Variants in TTC21B observed in about 807,000 individuals in gnomAD.
TTC21B encodes tetratricopeptide repeat domain 21B.
In TTC21B, 127 loss-of-function variants were observed where a neutral mutation model predicts 175.1. The observed-to-expected ratio is 0.73, with a 90% CI of 0.63 to 0.84. The LOEUF (loss-of-function observed/expected upper bound fraction) is 0.84, where lower values mean the gene tolerates loss of function less well. TTC21B is among the 40% of genes least tolerant of loss of function. The pLI, the probability that TTC21B is intolerant of heterozygous loss-of-function variation, is 0.00. For missense variants in TTC21B, 1,561 were observed against 1,558.3 expected (o/e 1.00, Z -0.03); for synonymous variants, 524 against 524.5 (o/e 1.00, Z 0.01).
intron 27 of TTC21B, among the ~76,000 whole-genome samples, chr2:165,877,903 G>T (rs1253940074): frequency 6.6e-6 from 1 of 152,122 alleles, no homozygotes; most frequent in African/African-American, 2.4e-5. Context: ...AAAAGGGTTT[G>T]TGACATTCAA....
chr2:165,927,224 ATATATATATATATCCTAGTAGT>A (rs1172806225), intron 11 of TTC21B, among the ~76,000 whole-genome samples: 5,046 of 22,464 alleles, frequency 0.22, 1,015 homozygotes, highest in South Asian at 0.38. Context: ...TAGTAGTTAT[ATATATATATATATCCTAGTAGT>A]TATATATATA....
intron 3 of TTC21B, among the ~76,000 whole-genome samples, chr2:165,946,937 A>G (rs1687589967): frequency 6.6e-6 from 1 of 151,910 alleles, no homozygotes; most frequent in Non-Finnish European, 1.5e-5. Flanking sequence ...ACTTATAAAA[A>G]TGTATAATGG....
intron 26 of TTC21B, among the ~76,000 whole-genome samples, chr2:165,881,245 T>C (rs531383191): frequency 1.6e-3 from 249 of 152,324 alleles, no homozygotes; most frequent in African/African-American, 5.5e-3. Context: ...TAAGTCTAAA[T>C]GTGTTAGTGT....
rs140744559 is a variant in TTC21B, at chr2:165,926,648, T to C, written c.1387-1970A>G. Among the ~76,000 whole-genome samples the C allele has an allele frequency of 7.9e-5, 12 of 152,220 alleles. No homozygotes were observed. In the East Asian group the frequency reaches 2.1e-3, roughly 27 times the overall value. On this transcript the variant is annotated intron_variant, in intron 11 of 28. Transcript: ENST00000243344. Reference sequence around the variant, plus strand: ...GATCCTGGGTGTGTCTGTGAGGATGTTGCCAAAGGAGATTAACGTTTGAGT... The same window carrying C: ...GATCCTGGGTGTGTCTGTGAGGATGCTGCCAAAGGAGATTAACGTTTGAGT...
At chr2:165,912,679 A>G in intron 16 of TTC21B, 55 bp from the exon 17 acceptor site, 1 of 1,255,526 alleles carries the variant, frequency 8.0e-7, no homozygotes, top group South Asian at 1.2e-5. Flanking sequence ...ACTGGGTCCC[A>G]TTAAAGGGCA....
Position 165,876,176 on chromosome 2 carries a change from T to C in TTC21B, c.3862A>G (p.Ile1288Val), listed in dbSNP as rs760235307. 8 of 1,599,714 alleles carry C rather than the reference T, an allele frequency of 5.0e-6. No homozygotes were observed. The Admixed American group carries it at 8.3e-5, about 17-fold the overall frequency. Residue 1288 changes from isoleucine (I) to valine (V), a missense_variant, in exon 28 of 29, where the codon ATA becomes GTA. Ile to Val is a conservative substitution (Grantham distance 29, BLOSUM62 3). Transcript: ENST00000243344. ...ATTTAAGTGTTTACCTGGTGACATA[T>C]GTCAATTGAATCCACATATCTTTTT... ...KAKRYVDSID[I>V]CHQVLEAHPT... is the part of the protein sequence containing the mutation.
intron 28 of TTC21B, 75 bp downstream of exon 28, chr2:165,876,090 A>G (rs967882761): frequency 1.2e-6 from 1 of 857,978 alleles, no homozygotes; most frequent in Non-Finnish European, 2.0e-6. Context: ...TTCTATTCAC[A>G]TACATCTGGA....
intron 1 of TTC21B, 114 bp from the exon 2 acceptor site, chr2:165,949,838 T>G: frequency 9.4e-7 from 1 of 1,062,562 alleles, no homozygotes; most frequent in Non-Finnish European, 1.4e-6. Context: ...CAATGTGACT[T>G]TTTTCTTCCA....
chr2:165,925,359 A>T (rs1344838495), intron 11 of TTC21B, among the ~76,000 whole-genome samples: 1 of 152,190 alleles, frequency 6.6e-6, no homozygotes, highest in African/African-American at 2.4e-5. Flanking sequence ...CTACCCAACC[A>T]ACTTTTATCC....
chr2:165,911,737 A>G (rs1685954587), intron 17 of TTC21B, among the ~76,000 whole-genome samples: 1 of 151,408 alleles, frequency 6.6e-6, no homozygotes, highest in African/African-American at 2.4e-5. Context: ...ATCTCAGCTC[A>G]CTGCAACCTC....
chr2:165,881,186 A>C (rs191008870), intron 26 of TTC21B, among the ~76,000 whole-genome samples: 27 of 152,280 alleles, frequency 1.8e-4, no homozygotes, highest in African/African-American at 6.3e-4. Flanking sequence ...CTATCTCACA[A>C]ACCTACCCTT....
chr2:165,908,079 T>C (rs369892233), intron 18 of TTC21B, among the ~76,000 whole-genome samples: 1 of 152,334 alleles, frequency 6.6e-6, no homozygotes, highest in Non-Finnish European at 1.5e-5. Context: ...ATTTTTATTC[T>C]TAAGTGTATA....
rs1686814258 is a variant in TTC21B, at chr2:165,929,705, GCATCCTGTA to G, written c.1121_1129del (p.Leu374_Ala377delinsSer). The G allele has an allele frequency of 4.3e-6, 7 of 1,612,500 alleles. No individual in the cohort carries two copies. Among genetic ancestry groups the G allele is most frequent in the Non-Finnish European group, 5.9e-6 (7 of 1,179,168 alleles). On this transcript the variant is annotated inframe_deletion, in exon 10 of 29. Coordinates refer to ENST00000243344, the MANE Select transcript of TTC21B (RefSeq NM_024753.5). ...ATTTAAAAATTCTAGCTGCTGATCT[GCATCCTGTA>G]ATTGCCCTTCTATCAACTGACATTG...
At chr2:165,936,693 C>T (rs769113055) in intron 6 of TTC21B, among the ~76,000 whole-genome samples, 21 of 152,004 alleles carry the variant, frequency 1.4e-4, no homozygotes, top group Admixed American at 7.9e-4. Context: ...TTTAAAAATG[C>T]TCCACATCAT....
chr2:165,901,605 C>T, intron 20 of TTC21B, 117 bp downstream of exon 20: 1 of 984,708 alleles, frequency 1.0e-6, no homozygotes. Flanking sequence ...TTATAGGCAT[C>T]AGCCACTGCA....
intron 1 of TTC21B, among the ~76,000 whole-genome samples, chr2:165,952,831 A>G (rs1393473953): frequency 1.3e-5 from 2 of 152,112 alleles, no homozygotes; most frequent in African/African-American, 4.8e-5. Flanking sequence ...GACTCCTCCT[A>G]CTCAAATGTA....
chr2:165,907,754 C>A lies in TTC21B; in HGVS notation c.2492G>T (p.Gly831Val), dbSNP rs777644981. The A allele has an allele frequency of 2.5e-6, 4 of 1,612,984 alleles. No individual in the cohort carries two copies. The highest frequency in any genetic ancestry group is 3.4e-6 in the Non-Finnish European group (4 of 1,179,480). Residue 831 changes from glycine to valine, a missense_variant, in exon 19 of 29, where the codon GGA becomes GTA. By Grantham distance (109) the Gly-to-Val change is moderately radical. Coordinates refer to ENST00000243344, the MANE Select transcript of TTC21B (RefSeq NM_024753.5). ...VNELSALMED[G>V]RCQVLLAKVY... Reference sequence around the variant, plus strand: ...TTTTGCTAGAAGAACTTGACAACGTCCATCCTCCATGAGAGCTGACAGTTC... The same window carrying A: ...TTTTGCTAGAAGAACTTGACAACGTACATCCTCCATGAGAGCTGACAGTTC...
intron 11 of TTC21B, among the ~76,000 whole-genome samples, chr2:165,927,093 GATATATATATATATATATCCT>G (rs1686675434): frequency 1.1e-4 from 1 of 8,950 alleles, no homozygotes; most frequent in Non-Finnish European, 1.9e-4. Context: ...TATCCTAGTA[GATATATATATATATATATCCT>G]AGTAGATATA....
rs146938730 is a variant in TTC21B, at chr2:165,886,198, C to T, written c.3459+2081G>A. ...ATGCAATTTATCTTGGTTCTTCAAT[C>T]ATACCTGTTTCTTAAATCCTATTTT... On this transcript the variant is annotated intron_variant, in intron 25 of 28. Coordinates refer to ENST00000243344, the MANE Select transcript of TTC21B (RefSeq NM_024753.5). Among the ~76,000 whole-genome samples, 176 of 152,292 alleles carry T rather than the reference C, an allele frequency of 1.2e-3. 1 individual carries two copies. The Middle Eastern group carries it at 0.037, about 32-fold the overall frequency.
Sources: gnomAD v4.1 joint callset for allele counts (sites outside exome capture counted in the v4.1 genomes callset) on GRCh38, gnomAD v4.1.1 for gene constraint, MANE v1.5 for transcripts, NCBI Gene and HGNC (gene_info 2026-07-23, HGNC 2026-07-21) for gene names.